ANKRD30BL: variants seen among roughly 807,000 people sequenced by gnomAD.
The protein encoded by ANKRD30BL is ankyrin repeat domain 30B like.
ANKRD30BL carries 20 observed loss-of-function variants against 18.4 expected under a neutral mutation model. The observed-to-expected ratio is 1.09, with a 90% CI of 0.77 to 1.58. The LOEUF is 1.58. Among genes scored for constraint, ANKRD30BL ranks in the 40% most tolerant of loss-of-function variants. The pLI is 0.00. For synonymous variants in ANKRD30BL, 72 were observed against 100.9 expected (o/e 0.71, Z 1.72); for missense variants, 224 against 268.6 (o/e 0.83, Z 1.16).
intron 1 of ANKRD30BL, among the ~76,000 whole-genome samples, chr2:132,237,089 C>T (rs1451164375): frequency 6.6e-6 from 1 of 150,876 alleles, no homozygotes; most frequent in Non-Finnish European, 1.5e-5. Context: ...ATCACATGGA[C>T]ACAGGAAGGG....
chr2:132,199,593 A>G, intron 1 of ANKRD30BL, among the ~76,000 whole-genome samples: 1 of 150,882 alleles, frequency 6.6e-6, no homozygotes, highest in Middle Eastern at 3.4e-3. Flanking sequence ...TTCAACCTCC[A>G]CCTGCCGAGT....
intron 1 of ANKRD30BL, among the ~76,000 whole-genome samples, chr2:132,170,979 A>G (rs1688268229): frequency 6.6e-6 from 1 of 152,062 alleles, no homozygotes; most frequent in African/African-American, 2.4e-5. Context: ...ACACGGTGAA[A>G]CCTCGTCTCT....
At chr2:132,174,911 C>T (rs1688335096) in intron 1 of ANKRD30BL, among the ~76,000 whole-genome samples, 1 of 152,182 alleles carries the variant, frequency 6.6e-6, no homozygotes. Context: ...ATGTAACTCT[C>T]TACATTGAAA....
intron 1 of ANKRD30BL, among the ~76,000 whole-genome samples, chr2:132,246,190 C>T (rs1195501788): frequency 1.3e-5 from 2 of 151,944 alleles, no homozygotes; most frequent in Non-Finnish European, 2.9e-5. Context: ...ATTCAACTCA[C>T]TGAGTTGAAC....
At chr2:132,252,390 G>A (rs966903701) in intron 1 of ANKRD30BL, among the ~76,000 whole-genome samples, 1 of 152,232 alleles carries the variant, frequency 6.6e-6, no homozygotes, top group African/African-American at 2.4e-5. Context: ...AGAGCTGGCG[G>A]TGGGCACACG....
chr2:132,236,838 T>C lies in ANKRD30BL; in HGVS notation n.441+20691A>G, dbSNP rs113305204. On this transcript the variant is annotated intron_variant and non_coding_transcript_variant, in intron 1 of 4. Coordinates refer to the ANKRD30BL transcript ENST00000470729. Reference sequence around the variant, plus strand: ...GACACATGCACACGTATGTTTATTGTGGCACTATTCACAATAGCAAAGACT... The same window carrying C: ...GACACATGCACACGTATGTTTATTGCGGCACTATTCACAATAGCAAAGACT... Among the ~76,000 whole-genome samples, 309 of 151,574 alleles carry C rather than the reference T, an allele frequency of 2.0e-3. 2 individuals are homozygous for C. Among genetic ancestry groups the C allele is most frequent in the African/African-American group, 7.0e-3 (289 of 41,358 alleles).
chr2:132,160,570 C>T (rs1333279802), intron 1 of ANKRD30BL, among the ~76,000 whole-genome samples: 1 of 151,676 alleles, frequency 6.6e-6, no homozygotes, highest in Non-Finnish European at 1.5e-5. Context: ...TCCCAAGTAT[C>T]TGGGACTACA....
intron 1 of ANKRD30BL, among the ~76,000 whole-genome samples, chr2:132,232,013 G>A (rs1374950844): frequency 6.6e-6 from 1 of 152,228 alleles, no homozygotes; most frequent in Non-Finnish European, 1.5e-5. Flanking sequence ...GCCTCATCAA[G>A]TGGGTCCCTG....
intron 1 of ANKRD30BL, among the ~76,000 whole-genome samples, chr2:132,221,373 G>C (rs1283705794): frequency 7.0e-6 from 1 of 143,048 alleles, no homozygotes; most frequent in African/African-American, 2.7e-5. Flanking sequence ...GGGGGAGGGG[G>C]GGTCAGCCCC....
At position 132,257,102 on chromosome 2, in the gene ANKRD30BL, C is replaced by T. The variant is rs370114071; in HGVS notation, n.441+427G>A. ...CACCACCGAGACCCGCCTCATGAGC[C>T]CCAGGTCCCGCCATCAGGACCCCGA... is the stretch of plus-strand genomic sequence containing the variant. On this transcript the variant is annotated intron_variant and non_coding_transcript_variant, in intron 1 of 4. Coordinates refer to the ANKRD30BL transcript ENST00000470729. 1.7e-3 allele frequency: 840 copies of T among 487,062 alleles called. 3 individuals carry two copies. The highest frequency in any genetic ancestry group is 5.5e-3 in the Middle Eastern group (17 of 3,078). 30.2% of individuals were successfully genotyped at this position (487,062 alleles called of 1,614,324 possible). A position where few individuals can be genotyped will look rare whatever the true frequency, so the allele number is the denominator to read the frequency against.
chr2:132,209,495 T>C (rs1679288560), intron 1 of ANKRD30BL, among the ~76,000 whole-genome samples: 1 of 151,540 alleles, frequency 6.6e-6, no homozygotes, highest in Non-Finnish European at 1.5e-5. Context: ...TTGAGGCCTA[T>C]GGAGGAAAAG....
At chr2:132,189,127 C>T (rs1238843733) in intron 1 of ANKRD30BL, among the ~76,000 whole-genome samples, 1 of 152,150 alleles carries the variant, frequency 6.6e-6, no homozygotes, top group African/African-American at 2.4e-5. Context: ...TAGAAAGCCC[C>T]AGCAGTTGAT....
At chr2:132,240,855 G>A (rs1573881616) in intron 1 of ANKRD30BL, among the ~76,000 whole-genome samples, 1 of 151,894 alleles carries the variant, frequency 6.6e-6, no homozygotes. Flanking sequence ...TTAGACAGAA[G>A]CATTCTCAGA....
In ANKRD30BL at chr2:132,222,233, G is replaced by A. The variant is rs1202850688; in HGVS notation, n.441+35296C>T. Among the ~76,000 whole-genome samples, 72 of 148,040 alleles carry A rather than the reference G, an allele frequency of 4.9e-4. No individual in the cohort carries two copies. The East Asian group carries it at 9.5e-3, about 20-fold the overall frequency. On this transcript the variant is annotated intron_variant and non_coding_transcript_variant, in intron 1 of 4. Coordinates refer to the ANKRD30BL transcript ENST00000470729. ...TGGTGGGGGGGTCAGCCCCCCGCCCGGCCAGCCGCCCCATCCGGGAGGTGA... is the reference window on the plus strand; with the variant it reads ...TGGTGGGGGGGTCAGCCCCCCGCCCAGCCAGCCGCCCCATCCGGGAGGTGA...
intron 1 of ANKRD30BL, among the ~76,000 whole-genome samples, chr2:132,203,118 A>C (rs1679141238): frequency 6.6e-6 from 1 of 152,420 alleles, no homozygotes; most frequent in Admixed American, 6.5e-5. Context: ...CCCCTGCTGA[A>C]ATAAAAACTT....
chr2:132,198,288 C>T (rs1426856195), intron 1 of ANKRD30BL, among the ~76,000 whole-genome samples: 22 of 9,708 alleles, frequency 2.3e-3, no homozygotes, highest in African/African-American at 5.4e-3. Flanking sequence ...TTCTTTCTTT[C>T]TTTCTTTCTT....
chr2:132,176,958 A>G (rs185601372), intron 1 of ANKRD30BL, among the ~76,000 whole-genome samples: 1 of 152,174 alleles, frequency 6.6e-6, no homozygotes, highest in African/African-American at 2.4e-5. Context: ...TAAAATTTTA[A>G]ATAGATTTAA....
At chr2:132,206,189 G>A (rs879538097) in intron 1 of ANKRD30BL, among the ~76,000 whole-genome samples, 2 of 151,914 alleles carry the variant, frequency 1.3e-5, no homozygotes, top group Non-Finnish European at 2.9e-5. Context: ...AGAAAGAAAA[G>A]AAGGACGGAA....
intron 1 of ANKRD30BL, among the ~76,000 whole-genome samples, chr2:132,219,871 A>G (rs1573856854): frequency 6.6e-6 from 1 of 151,656 alleles, no homozygotes; most frequent in African/African-American, 2.4e-5. Flanking sequence ...CTTCTTTGTG[A>G]TGTGTGCATT....
Sources: gnomAD v4.1 joint callset for allele counts (sites outside exome capture counted in the v4.1 genomes callset) on GRCh38, gnomAD v4.1.1 for gene constraint, MANE v1.5 for transcripts, NCBI Gene and HGNC (gene_info 2026-07-23, HGNC 2026-07-21) for gene names.